SMG5: variants seen among roughly 807,000 people sequenced by gnomAD.
The protein encoded by SMG5 is SMG5 nonsense mediated mRNA decay factor.
SMG5 carries 53 observed loss-of-function variants against 122.9 expected under a neutral mutation model. The ratio of observed to expected loss-of-function variants is 0.43; its 90% CI spans 0.35 to 0.54. SMG5 has a LOEUF of 0.54. Ranked by LOEUF, SMG5 falls within the 20% of genes least tolerant of loss-of-function variation. The pLI, the probability that SMG5 is intolerant of heterozygous loss-of-function variation, is 0.01. For synonymous variants in SMG5, 477 were observed against 490.2 expected, an observed-to-expected ratio of 0.97 and a Z score of 0.35; for missense variants, 1,153 against 1,285.6, an observed-to-expected ratio of 0.90 and a Z score of 1.58.
Position 156,275,796 on chromosome 1 carries a change from T to A in SMG5, c.455-1110A>T, listed in dbSNP as rs151089104. On this transcript the variant is annotated intron_variant, in intron 4 of 21. Transcript: ENST00000361813. ...TGGACATGGTCCCAGAATAATCTTG[T>A]CTTTTAGATAATGTGGTGGTTTTTT... 2.9e-3 allele frequency among the ~76,000 whole-genome samples: 446 copies of A among 151,772 alleles called. 2 individuals carry two copies. Among genetic ancestry groups the A allele is most frequent in the African/African-American group, 0.01 (418 of 41,450 alleles).
chr1:156,265,223 TA>T (rs562516659), intron 12 of SMG5, among the ~76,000 whole-genome samples: 381 of 135,562 alleles, frequency 2.8e-3, no homozygotes, highest in East Asian at 4.5e-3. Flanking sequence ...ACCCTGTCTT[TA>T]AAAAAAAAAA....
intron 20 of SMG5, 121 bp downstream of exon 20, chr1:156,251,282 G>A: frequency 1.7e-6 from 2 of 1,188,108 alleles, no homozygotes; most frequent in Non-Finnish European, 2.5e-6. Flanking sequence ...CTGCAGGAGG[G>A]CCCTGGCAGG....
At chr1:156,272,224 C>A (rs1662468549) in intron 7 of SMG5, 96 bp downstream of exon 7, 1 of 1,116,768 alleles carries the variant, frequency 9.0e-7, no homozygotes, top group Non-Finnish European at 1.3e-6. Context: ...CCTATCTCAG[C>A]CACAGCTAGA....
At chr1:156,268,509 G>C in intron 7 of SMG5, 94 bp from the exon 8 acceptor site, 9 of 1,511,322 alleles carry the variant, frequency 6.0e-6, no homozygotes, top group Non-Finnish European at 8.0e-6. Context: ...AGTAAATACA[G>C]GCTGCTCCCA....
In SMG5 at chr1:156,252,406, A is replaced by G. The variant is rs984889064; in HGVS notation, c.2753+8T>C. On this transcript the variant is annotated splice_region_variant and intron_variant, in intron 19 of 21. Transcript: ENST00000361813. ...GGCTCAGCACAGGTCCAGCCAGGCC[A>G]CACTCACCTGTTTCCTTTTTTAAAC... 7 of 1,613,638 alleles carry G rather than the reference A, an allele frequency of 4.3e-6. No homozygotes were observed. The African/African-American group carries it at 9.3e-5, about 22-fold the overall frequency.
upstream of SMG5, among the ~76,000 whole-genome samples, chr1:156,283,721 C>T (rs1429887949): frequency 1.3e-5 from 2 of 152,162 alleles, no homozygotes; most frequent in African/African-American, 4.8e-5. Context: ...AGCCACCCAC[C>T]TTCTTTCTGT....
chr1:156,252,849 GGT>G (rs768708523), intron 18 of SMG5, 68 bp downstream of exon 18: 100 of 1,433,290 alleles, frequency 7.0e-5, no homozygotes, highest in Non-Finnish European at 9.0e-5. Context: ...CCCCAAATAA[GGT>G]CTCTTAATCC....
chr1:156,254,384 G>A (rs1275354337), intron 16 of SMG5, among the ~76,000 whole-genome samples: 3 of 152,188 alleles, frequency 2.0e-5, no homozygotes, highest in African/African-American at 7.2e-5. Context: ...TATAAGATGA[G>A]GCTAAGGATG....
chr1:156,278,857 G>A, intron 2 of SMG5, 79 bp downstream of exon 2: 1 of 1,211,890 alleles, frequency 8.3e-7, no homozygotes, highest in Non-Finnish European at 1.2e-6. Flanking sequence ...CAGAGTGCGT[G>A]TTTATATATC....
chr1:156,264,682 G>A (rs1406879797), intron 12 of SMG5, among the ~76,000 whole-genome samples: 2 of 152,110 alleles, frequency 1.3e-5, no homozygotes, highest in African/African-American at 2.4e-5. Context: ...GTGACAGGCT[G>A]GGAGCAAGGG....
intron 16 of SMG5, among the ~76,000 whole-genome samples, chr1:156,257,299 T>C (rs1286586518): frequency 6.6e-6 from 1 of 152,188 alleles, no homozygotes; most frequent in Admixed American, 6.5e-5. Context: ...TTAATTGAGA[T>C]GTCACATGCA....
intron 12 of SMG5, among the ~76,000 whole-genome samples, chr1:156,265,513 G>A (rs992644674): frequency 9.2e-5 from 14 of 152,190 alleles, no homozygotes; most frequent in Non-Finnish European, 5.9e-5. Context: ...AGCTGCAATT[G>A]TTGTGTAGGG....
chr1:156,274,586 C>A lies in SMG5; in HGVS notation c.544+11G>T, dbSNP rs753147921. On this transcript the variant is annotated intron_variant, in intron 5 of 21. Coordinates refer to ENST00000361813, the MANE Select transcript of SMG5 (RefSeq NM_015327.3). ...CCCAAAACAGAGAAAATGAAAGGTGCAAATTCTTACACAAATCCCCCAGAT... is the reference window on the plus strand; with the variant it reads ...CCCAAAACAGAGAAAATGAAAGGTGAAAATTCTTACACAAATCCCCCAGAT... 8.1e-6 allele frequency: 13 copies of A among 1,612,552 alleles called. No homozygotes were observed. In the South Asian group the frequency reaches 1.3e-4, roughly 16 times the overall value.
At chr1:156,277,489 C>T (rs895904129) in intron 3 of SMG5, among the ~76,000 whole-genome samples, 2 of 150,998 alleles carry the variant, frequency 1.3e-5, no homozygotes, top group Non-Finnish European at 3.0e-5. Flanking sequence ...ATCTGACTCT[C>T]TTCCTCCTTC....
At chr1:156,263,251 A>G in intron 13 of SMG5, 144 bp downstream of exon 13, 1 of 924,768 alleles carries the variant, frequency 1.1e-6, no homozygotes, top group Non-Finnish European at 1.6e-6. Flanking sequence ...GTCAGAGCAT[A>G]AGGGCCCAGC....
Position 156,253,510 on chromosome 1 carries a change from T to C in SMG5, c.2443-2A>G. On this transcript the variant is annotated splice_acceptor_variant, in intron 16 of 21. Coordinates refer to ENST00000361813, the MANE Select transcript of SMG5 (RefSeq NM_015327.3). LOFTEE classifies it high-confidence loss of function. ...GTTCCGACGAGCTTCCTCCTGTGCC[T>C]ATGAGGGAAAAAATGAGCTGTAAGG... The C allele has an allele frequency of 1.2e-6, 2 of 1,613,980 alleles. No individual in the cohort carries two copies. Among genetic ancestry groups the C allele is most frequent in the South Asian group, 2.2e-5 (2 of 91,068 alleles).
chr1:156,291,516 T>G, the SMG5 span: 1 of 1,610,574 alleles, frequency 6.2e-7, no homozygotes, highest in African/African-American at 1.3e-5. Context: ...CCGGAGCGCA[T>G]GCTCACTGCC....
intron 4 of SMG5, 133 bp downstream of exon 4, chr1:156,276,952 T>A: frequency 1.2e-6 from 1 of 862,054 alleles, no homozygotes; most frequent in East Asian, 2.6e-5. Flanking sequence ...CCAAACTTCA[T>A]AAACCATTTG....
At chr1:156,271,753 C>T (rs537198853) in intron 7 of SMG5, among the ~76,000 whole-genome samples, 282 of 151,904 alleles carry the variant, frequency 1.9e-3, no homozygotes, top group Non-Finnish European at 3.3e-3. Flanking sequence ...CCACCATACC[C>T]AGCTGATTTT....
Sources: gnomAD v4.1 joint callset for allele counts (sites outside exome capture counted in the v4.1 genomes callset) on GRCh38, gnomAD v4.1.1 for gene constraint, MANE v1.5 for transcripts, NCBI Gene and HGNC (gene_info 2026-07-23, HGNC 2026-07-21) for gene names.